Variants in PAGE5 observed in about 807,000 individuals in gnomAD.
PAGE5 encodes the protein PAGE family member 5.
In PAGE5, 8 loss-of-function variants were observed where a neutral mutation model predicts 8.1. The ratio of observed to expected loss-of-function variants is 0.98; its 90% confidence interval spans 0.58 to 1.77. The LOEUF (loss-of-function observed/expected upper bound fraction) is 1.77. PAGE5 is among the 40% of genes most tolerant of loss of function. The pLI, the probability that PAGE5 is intolerant of heterozygous loss-of-function variation, is 0.00. For synonymous variants in PAGE5, 30 were observed against 27.0 expected (o/e 1.11, Z -0.35); for missense variants, 64 against 77.6 (o/e 0.82, Z 0.66).
intron 2 of PAGE5, 110 bp from the exon 3 acceptor site, chrX:55,221,657 C>CTA: frequency 1.2e-5 from 9 of 757,495 alleles, no homozygotes; most frequent in Middle Eastern, 3.1e-4. Flanking sequence ...TACTCTCTCT[C>CTA]TATATATATA....
intron 3 of PAGE5, 60 bp from the exon 4 acceptor site, chrX:55,222,561 T>C: frequency 1.8e-6 from 2 of 1,106,186 alleles, no homozygotes; most frequent in Non-Finnish European, 2.5e-6. Context: ...GGAATAAATA[T>C]TATTACCTCG....
rs745849050 is a variant in PAGE5, at chrX:55,220,418, A to G, written c.-43A>G. On this transcript the variant is annotated 5_prime_UTR_variant, in exon 1 of 5. Coordinates refer to ENST00000374955, the MANE Select transcript of PAGE5 (RefSeq NM_001013435.3). ...TTCCGCCATCTTCGTTCTTTCCAAC[A>G]TCTTCGTTCTTTCTCACTGACCGAG... The G allele has an allele frequency of 1.7e-5, 8 of 464,454 alleles. No homozygotes were observed. Among genetic ancestry groups the G allele is most frequent in the East Asian group, 1.2e-4 (3 of 26,064 alleles). The allele number at this position is 464,454 out of a possible 1,213,427, so 38.3% of individuals were successfully genotyped here. A position where few individuals can be genotyped will look rare whatever the true frequency, so the allele number is the denominator to read the frequency against.
chrX:55,220,596 C>T (rs1485577523), intron 1 of PAGE5, 144 bp downstream of exon 1: 4 of 1,193,375 alleles, frequency 3.4e-6, no homozygotes, highest in Admixed American at 4.6e-5. Flanking sequence ...TCCCCCAGGT[C>T]CTGATGCAGG....
At chrX:55,220,614 G>T in intron 1 of PAGE5, 162 bp downstream of exon 1, 2 of 1,202,115 alleles carry the variant, frequency 1.7e-6, no homozygotes, top group Non-Finnish European at 2.2e-6. Flanking sequence ...AGGCGCCATG[G>T]GCCGGTAATC....
Position 55,222,009 on chromosome X carries a change from G to A in PAGE5, c.190+134G>A, listed in dbSNP as rs749820599. ...TAAACATTTCTTACTGCTGCTGTGC[G>A]GAGGGGTGGGACAAGGACACATAAA... is the stretch of plus-strand genomic sequence containing the variant. On this transcript the variant is annotated intron_variant, in intron 3 of 4. Transcript: ENST00000374955. The A allele has an allele frequency of 3.8e-5, 27 of 708,544 alleles. No individual in the cohort carries two copies. The South Asian group carries it at 6.6e-4, about 17-fold the overall frequency. 58.4% of individuals were successfully genotyped at this position (708,544 alleles called of 1,213,427 possible). A position where few individuals can be genotyped will look rare whatever the true frequency, so the allele number is the denominator to read the frequency against.
intron 2 of PAGE5, 50 bp from the exon 3 acceptor site, chrX:55,221,717 G>C (rs1191326549): frequency 3.5e-6 from 4 of 1,130,177 alleles, no homozygotes; most frequent in Non-Finnish European, 4.8e-6. Context: ...ATATGCATTT[G>C]TGTGTTTATA....
At chrX:55,221,695 G>A in intron 2 of PAGE5, 72 bp from the exon 3 acceptor site, 1 of 1,049,686 alleles carries the variant, frequency 9.5e-7, no homozygotes, top group South Asian at 2.0e-5. Context: ...TTAGATTTAT[G>A]ATTCGATGCA....
At chrX:55,220,897 G>C (rs1249916827) in intron 1 of PAGE5, among the ~76,000 whole-genome samples, 2 of 111,035 alleles carry the variant, frequency 1.8e-5, no homozygotes. Context: ...GTCCAGTGAG[G>C]AACATAACCT....
In PAGE5 at chrX:55,223,094, A is replaced by G. The variant is rs183572650; in HGVS notation, c.316+348A>G. On this transcript the variant is annotated intron_variant, in intron 4 of 4. Transcript: ENST00000374955. ...AGATTTTGAGTGTCTTCACAGCTAT[A>G]TGAAATAATGCATATATTAATTAGG... Among the ~76,000 whole-genome samples the G allele has an allele frequency of 5.7e-3, 638 of 112,497 alleles. 11 individuals carry two copies. The highest frequency in any genetic ancestry group is 0.02 in the African/African-American group (606 of 31,002).
rs1937888591 is a variant in PAGE5 at position 55,221,356 on chromosome X, A to G, written c.-8-19A>G. ...AAGTTCTTACACACTTTTTCCAAAT[A>G]ACAATATTTTGTTTTCAGTGAGAGA... is the stretch of plus-strand genomic sequence containing the variant. On this transcript the variant is annotated intron_variant, in intron 1 of 4. Transcript: ENST00000374955. 8.4e-7 allele frequency: 1 copy of G among 1,189,922 alleles called. No homozygotes were observed. Among genetic ancestry groups the G allele is most frequent in the South Asian group, 1.8e-5 (1 of 55,309 alleles).
chrX:55,221,409 A>G lies in PAGE5; in HGVS notation c.27A>G (p.Gln9=), dbSNP rs759570775. 1.7e-6 allele frequency: 2 copies of G among 1,210,763 alleles called. No homozygotes were observed. Among genetic ancestry groups the G allele is most frequent in the East Asian group, 5.9e-5 (2 of 33,829 alleles). The change falls in exon 2 of 5, where the codon CAA becomes CAG. Residue 9 remains glutamine, a synonymous_variant. Transcript: ENST00000374955. MSEHVTRS[Q]SSERGNDQES... is the part of the protein sequence containing the mutation. ...TGAGTGAGCATGTAACAAGATCCCA[A>G]TCCTCAGAAAGAGGAAATGACCAAG...
At chrX:55,220,566 C>T in intron 1 of PAGE5, 114 bp downstream of exon 1, 1 of 1,174,651 alleles carries the variant, frequency 8.5e-7, no homozygotes, top group Non-Finnish European at 1.1e-6. Flanking sequence ...GGAAAAGGGC[C>T]TCGCGGTGGT....
intron 1 of PAGE5, chrX:55,220,780 G>A (rs1937881477): frequency 1.3e-5 from 9 of 692,056 alleles, no homozygotes; most frequent in Non-Finnish European, 1.7e-5. Context: ...CTCTTCGTTA[G>A]GGATGCGAGA....
chrX:55,221,042 G>T (rs1937884608), intron 1 of PAGE5, among the ~76,000 whole-genome samples: 1 of 110,997 alleles, frequency 9.0e-6, no homozygotes, highest in Admixed American at 9.6e-5. Flanking sequence ...ATCAGAGTGG[G>T]AGGAAAGCAG....
intron 3 of PAGE5, 144 bp from the exon 4 acceptor site, chrX:55,222,477 T>C: frequency 1.4e-6 from 1 of 703,784 alleles, no homozygotes; most frequent in Non-Finnish European, 2.1e-6. Flanking sequence ...GTTTGAACAT[T>C]TCTGCTTTCC....
intron 3 of PAGE5, 95 bp from the exon 4 acceptor site, chrX:55,222,526 C>A: frequency 1.0e-6 from 1 of 965,402 alleles, no homozygotes; most frequent in Non-Finnish European, 1.5e-6. Flanking sequence ...AATTAGCCTA[C>A]AGGTTTTTAT....
intron 4 of PAGE5, 85 bp downstream of exon 4, chrX:55,222,831 T>C: frequency 9.7e-7 from 1 of 1,033,842 alleles, no homozygotes. Flanking sequence ...AAATTACTGC[T>C]ACTTTAATAT....
Position 55,220,471 on chromosome X carries a change from C to A in PAGE5, c.-9+19C>A. On this transcript the variant is annotated intron_variant, in intron 1 of 4. Transcript: ENST00000374955. The stretch of plus-strand genomic sequence containing the variant: ...TCAGCCGGTAGGTCTGCAGAGTGGT[C>A]TTCCTGGTAATTTAGTTGTGAGTGA... The A allele has an allele frequency of 4.8e-6, 3 of 627,202 alleles. No homozygotes were observed. The Admixed American group carries it at 8.1e-5, about 17-fold the overall frequency. 51.7% of individuals were successfully genotyped at this position (627,202 alleles called of 1,213,427 possible). A position where few individuals can be genotyped will look rare whatever the true frequency, so the allele number is the denominator to read the frequency against.
At chrX:55,223,455 C>G (rs1473139988) in intron 4 of PAGE5, among the ~76,000 whole-genome samples, 1 of 111,664 alleles carries the variant, frequency 9.0e-6, no homozygotes, top group Non-Finnish European at 1.9e-5. Context: ...AAAATAGTGA[C>G]AAATGTTCAC....
Sources: allele counts gnomAD v4.1 joint callset (sites outside exome capture counted in the v4.1 genomes callset), GRCh38; gene constraint gnomAD v4.1.1; transcripts MANE v1.5; gene names NCBI Gene and HGNC (gene_info 2026-07-23, HGNC 2026-07-21).